SLC36A2: variants seen among roughly 807,000 people sequenced by gnomAD.
SLC36A2 encodes solute carrier family 36 member 2, also known as proton-coupled amino acid transporter 2.
SLC36A2 carries 39 observed loss-of-function variants against 42.7 expected under a neutral mutation model. The observed-to-expected ratio is 0.91, with a 90% CI of 0.71 to 1.19. SLC36A2 has a LOEUF of 1.19. SLC36A2 is among the 50% of genes most tolerant of loss of function. The pLI, the probability that SLC36A2 is intolerant of heterozygous loss-of-function variation, is 0.00. For missense variants in SLC36A2, 590 were observed against 613.7 expected (o/e 0.96, Z 0.41); for synonymous variants, 237 against 240.8 (o/e 0.98, Z 0.15).
chr5:151,321,111 C>A (rs1459889222), intron 9 of SLC36A2, among the ~76,000 whole-genome samples: 2 of 151,940 alleles, frequency 1.3e-5, no homozygotes, highest in African/African-American at 4.8e-5. Context: ...GCCTGGCACA[C>A]AGTAAGTGTT....
At chr5:151,332,508 G>T (rs1756026970) in intron 7 of SLC36A2, 1 of 447,308 alleles carries the variant, frequency 2.2e-6, no homozygotes, top group Non-Finnish European at 4.5e-6. Context: ...CTGTGGTACT[G>T]CCCAGACAGT....
At chr5:151,337,378 A>T (rs1756190374) in intron 5 of SLC36A2, among the ~76,000 whole-genome samples, 1 of 152,146 alleles carries the variant, frequency 6.6e-6, no homozygotes, top group African/African-American at 2.4e-5. Flanking sequence ...TGTAGTTTGC[A>T]CCCTGACCTC....
In SLC36A2 at chr5:151,344,245, G is replaced by A. The variant is rs192192; in HGVS notation, c.187C>T (p.Leu63=). The change falls in exon 2 of 10, where the codon CTG becomes TTG. Residue 63 remains leucine (L), a synonymous_variant. Transcript: ENST00000335244. ...CCTGTGCCCATGTTGCCTTTCACCA[G>A]GTGAATCAAGGCCTGGAACACTCTA... The part of the protein sequence containing the change: ...GITVFQALIH[L]VKGNMGTGIL... 882,206 of 1,612,440 alleles carry A rather than the reference G, an allele frequency of 0.55. 251,372 individuals are homozygous for A. The highest frequency in any genetic ancestry group is 0.98 in the East Asian group (44,085 of 44,878).
intron 7 of SLC36A2, among the ~76,000 whole-genome samples, chr5:151,328,907 C>T (rs1755921076): frequency 6.6e-6 from 1 of 152,152 alleles, no homozygotes. Flanking sequence ...TTTTCTTTCT[C>T]TTTTCACTCA....
intron 8 of SLC36A2, among the ~76,000 whole-genome samples, chr5:151,324,457 C>T (rs1287685867): frequency 1.3e-5 from 2 of 152,010 alleles, no homozygotes; most frequent in Non-Finnish European, 2.9e-5. Flanking sequence ...CTCAGCCTCC[C>T]GAGTAGCTGG....
At chr5:151,338,923 G>A (rs753312440) in intron 5 of SLC36A2, 137 bp downstream of exon 5, 2 of 688,218 alleles carry the variant, frequency 2.9e-6, no homozygotes, top group Non-Finnish European at 5.4e-6. Context: ...ACTAGGGGAG[G>A]CAAGTTTGAC....
chr5:151,342,780 A>G, intron 4 of SLC36A2, 108 bp downstream of exon 4: 1 of 879,764 alleles, frequency 1.1e-6, no homozygotes, highest in Admixed American at 1.9e-5. Flanking sequence ...ACAACATCTA[A>G]CATAGAAGTG....
In SLC36A2 at chr5:151,340,143, GGAGGA is replaced by G. The variant is rs1561660760; in HGVS notation, c.441-1004_441-1000del. On this transcript the variant is annotated intron_variant, in intron 4 of 9. Transcript: ENST00000335244. ...AGGAGGAGAAGGAGGAGGAAGAAGAGGAGGAGAAGGAGGAGGAAGAAGAGGAAGGA... is the reference window on the plus strand; with the variant it reads ...AGGAGGAGAAGGAGGAGGAAGAAGAGGAAGGAGGAGGAAGAAGAGGAAGGA... Among the ~76,000 whole-genome samples, 93 of 108,934 alleles carry G rather than the reference GGAGGA, an allele frequency of 8.5e-4. 3 individuals carry two copies. Among genetic ancestry groups the G allele is most frequent in the African/African-American group, 7.3e-3 (84 of 11,448 alleles). The allele number at this position is 108,934 out of a possible 152,430, so 71.5% of individuals were successfully genotyped here. A position where few individuals can be genotyped will look rare whatever the true frequency, so the allele number is the denominator to read the frequency against.
At chr5:151,342,101 A>C (rs1280660327) in intron 4 of SLC36A2, among the ~76,000 whole-genome samples, 1 of 152,176 alleles carries the variant, frequency 6.6e-6, no homozygotes, top group Non-Finnish European at 1.5e-5. Context: ...AAATATGATG[A>C]CTTTCCTGAT....
chr5:151,335,935 CAAG>C (rs1040817362), intron 5 of SLC36A2, among the ~76,000 whole-genome samples: 10 of 149,136 alleles, frequency 6.7e-5, no homozygotes, highest in African/African-American at 2.5e-4. Context: ...GGCTGAGGCA[CAAG>C]AATCGCTTGA....
At position 151,318,532 on chromosome 5, in the gene SLC36A2, T is replaced by A. The variant is rs1164751437; in HGVS notation, c.1181-1444A>T. 9.1e-5 allele frequency among the ~76,000 whole-genome samples: 13 copies of A among 142,250 alleles called. 1 individual carries two copies. The highest frequency in any genetic ancestry group is 2.1e-4 in the Admixed American group (3 of 14,290). 93.3% of individuals were successfully genotyped at this position (142,250 alleles called of 152,430 possible). The stretch of plus-strand genomic sequence containing the variant: ...AAATAATAAATAAAAATATAATAAT[T>A]ATTTATAAATATTTATTTATAAAAT... On this transcript the variant is annotated intron_variant, in intron 9 of 9. Coordinates refer to ENST00000335244, the MANE Select transcript of SLC36A2 (RefSeq NM_181776.3).
chr5:151,346,472 T>C (rs1226998887), intron 1 of SLC36A2, among the ~76,000 whole-genome samples: 1 of 152,132 alleles, frequency 6.6e-6, no homozygotes, highest in Non-Finnish European at 1.5e-5. Context: ...CTGTTTTGCA[T>C]GTCAGAAAAC....
chr5:151,344,205 G>T lies in SLC36A2; in HGVS notation c.227C>A (p.Pro76His). ...GNMGTGILGLPLAVKNAGILM... is the reference protein window; with the variant it reads ...GNMGTGILGLHLAVKNAGILM... Reference sequence around the variant, plus strand: ...GATGCCCGCGTTCTTCACAGCGAGGGGTAGTCCCAGGATCCCTGTGCCCAT... The same window carrying T: ...GATGCCCGCGTTCTTCACAGCGAGGTGTAGTCCCAGGATCCCTGTGCCCAT... Residue 76 changes from proline to histidine, a missense_variant, in exon 2 of 10, where the codon CCC (proline) becomes CAC (histidine). Physicochemically the swap from Pro to His is moderately conservative, Grantham distance 77. Coordinates refer to ENST00000335244, the MANE Select transcript of SLC36A2 (RefSeq NM_181776.3). 1 of 1,614,124 alleles carries T rather than the reference G, an allele frequency of 6.2e-7. No individual in the cohort carries two copies. The highest frequency in any genetic ancestry group is 1.1e-5 in the South Asian group (1 of 91,054).
intron 8 of SLC36A2, among the ~76,000 whole-genome samples, chr5:151,323,291 G>C (rs1004964443): frequency 2.0e-4 from 23 of 117,308 alleles, no homozygotes; most frequent in African/African-American, 7.0e-4. Context: ...AAATAAATGG[G>C]TGTGTGTGTG....
intron 6 of SLC36A2, 25 bp from the exon 7 acceptor site, chr5:151,333,347 G>A (rs918362896): frequency 6.9e-6 from 11 of 1,591,440 alleles, no homozygotes; most frequent in Non-Finnish European, 9.5e-6. Flanking sequence ...AATGCTATGA[G>A]ACAGTCACTC....
Position 151,344,026 on chromosome 5 carries a change from C to A in SLC36A2, c.255+151G>T, listed in dbSNP as rs1346667969. ...TAAAGTCTGTGGCAGAGCCGGAACT[C>A]AAACCCAGGCTAGATGTCTAGACCC... On this transcript the variant is annotated intron_variant, in intron 2 of 9. Transcript: ENST00000335244. 5 of 756,784 alleles carry A rather than the reference C, an allele frequency of 6.6e-6. No individual in the cohort carries two copies. The African/African-American group carries it at 6.9e-5, about 10-fold the overall frequency. 46.9% of individuals were successfully genotyped at this position (756,784 alleles called of 1,614,324 possible).
chr5:151,325,634 A>T (rs533515900), intron 7 of SLC36A2, among the ~76,000 whole-genome samples, 182 bp from the exon 8 acceptor site: 1 of 152,356 alleles, frequency 6.6e-6, no homozygotes, highest in South Asian at 2.1e-4. Flanking sequence ...CCAAGGGTCT[A>T]GCAACAGAAA....
Position 151,325,409 on chromosome 5 carries a change from G to A in SLC36A2, c.887C>T (p.Pro296Leu). 6.2e-7 allele frequency: 1 copy of A among 1,614,164 alleles called. No homozygotes were observed. Among genetic ancestry groups the A allele is most frequent in the East Asian group, 2.2e-5 (1 of 44,886 alleles). The change falls in exon 8 of 10, where the codon CCA (proline) becomes CTA (leucine). Residue 296 changes from proline (P) to leucine (L), a missense_variant. By Grantham distance (98) the Pro-to-Leu change is moderately conservative. Transcript: ENST00000335244. The part of the protein sequence containing the change: ...ENKMKNARHF[P>L]AILSLGMSIV... ...GGACATTCCCAAAGACAGGATGGCT[G>A]GGAAGTGGCGGGCATTCTTCATCTT...
intron 1 of SLC36A2, 88 bp downstream of exon 1, chr5:151,347,208 GA>G: frequency 6.7e-7 from 1 of 1,498,520 alleles, no homozygotes; most frequent in East Asian, 2.3e-5. Flanking sequence ...ACAGTGGGTT[GA>G]GGGTCAGACA....
Sources: gnomAD v4.1 joint callset for allele counts (sites outside exome capture counted in the v4.1 genomes callset) on GRCh38, gnomAD v4.1.1 for gene constraint, MANE v1.5 for transcripts, NCBI Gene and HGNC (gene_info 2026-07-23, HGNC 2026-07-21) for gene names.